SLC45A4: variants seen among roughly 807,000 people sequenced by gnomAD.
The protein encoded by SLC45A4 is polyamine-transporter SLC45A4.
A neutral mutation model predicts 63.7 loss-of-function variants in SLC45A4; 32 were observed. That is an observed-to-expected ratio of 0.50 (90% CI 0.38 to 0.67). The LOEUF is 0.67. Ranked by LOEUF, SLC45A4 falls within the 30% of genes least tolerant of loss-of-function variation. The pLI is 0.00. For missense variants in SLC45A4, 1,027 were observed against 1,157.7 expected (o/e 0.89, Z 1.64); for synonymous variants, 535 against 510.0 (o/e 1.05, Z -0.66).
chr8:141,293,966 AT>A (rs1324440250), intron 1 of SLC45A4, among the ~76,000 whole-genome samples: 1 of 152,050 alleles, frequency 6.6e-6, no homozygotes, highest in Non-Finnish European at 1.5e-5. Context: ...AAAAAAAAAA[AT>A]CATCCGCGGT....
At chr8:141,279,968 C>A (rs1829873533) in intron 1 of SLC45A4, among the ~76,000 whole-genome samples, 1 of 152,232 alleles carries the variant, frequency 6.6e-6, no homozygotes, top group South Asian at 2.1e-4. Context: ...GTGAAAGCTG[C>A]CAAGACAGCA....
Position 141,286,386 on chromosome 8 carries a change from G to A in SLC45A4, c.-401+21710C>T, listed in dbSNP as rs192724751. 5.3e-5 allele frequency among the ~76,000 whole-genome samples: 8 copies of A among 152,276 alleles called. No homozygotes were observed. In the East Asian group the frequency reaches 5.8e-4, roughly 11 times the overall value. ...GTCCGAGAGGTGGCCTCACATGCGC[G>A]GTTGTTACAAGCAGAGCCAGGTAAG... On this transcript the variant is annotated intron_variant, in intron 1 of 8. Transcript: ENST00000517878.
intron 2 of SLC45A4, among the ~76,000 whole-genome samples, chr8:141,243,744 C>T (rs56411509): frequency 0.012 from 1,812 of 152,194 alleles, 35 homozygotes; most frequent in African/African-American, 0.039. Context: ...GACAGCAAGA[C>T]CCCCGCTCCT....
Position 141,256,255 on chromosome 8 carries a change from T to C in SLC45A4, c.-400-1626A>G, listed in dbSNP as rs1828769130. 6.6e-6 allele frequency among the ~76,000 whole-genome samples: 1 copy of C among 152,336 alleles called. No individual in the cohort carries two copies. The highest frequency in any genetic ancestry group is 1.9e-4 in the East Asian group (1 of 5,190). ...TAGGTCTCCAGACATGGGGTTCGGT[T>C]CAACTGAAGTGTTAGAGCCCCTAAA... On this transcript the variant is annotated intron_variant, in intron 1 of 8. Coordinates refer to ENST00000517878, the MANE Select transcript of SLC45A4 (RefSeq NM_001286646.2). The surrounding 1 kb of genome is among the most constrained non-coding windows in gnomAD (Gnocchi z 4.3).
chr8:141,215,634 C>A lies in SLC45A4; in HGVS notation c.1941+125G>T. The A allele has an allele frequency of 1.0e-6, 1 of 957,010 alleles. No homozygotes were observed. Among genetic ancestry groups the A allele is most frequent in the Non-Finnish European group, 1.6e-6 (1 of 633,290 alleles). 59.3% of individuals were successfully genotyped at this position (957,010 alleles called of 1,614,324 possible). A position where few individuals can be genotyped will look rare whatever the true frequency, so the allele number is the denominator to read the frequency against. ...GGCTTTGGAAGGGGCCATCTCAGAA[C>A]CGGAGAGGAAGGAGGGCCATCTGTG... On this transcript the variant is annotated intron_variant, in intron 7 of 8. Transcript: ENST00000517878. This position sits in a 1 kb window ranked among gnomAD's most constrained non-coding sequence, Gnocchi z 4.3.
intron 2 of SLC45A4, among the ~76,000 whole-genome samples, chr8:141,233,304 G>T (rs1045751439): frequency 6.6e-6 from 1 of 152,126 alleles, no homozygotes; most frequent in Non-Finnish European, 1.5e-5. Context: ...GTTAAAACTA[G>T]CAAGTTTTTG....
rs571274762 is a variant in SLC45A4 at position 141,221,835 on chromosome 8, C to T, written c.242-70G>A. On this transcript the variant is annotated intron_variant, in intron 2 of 8. Coordinates refer to ENST00000517878, the MANE Select transcript of SLC45A4 (RefSeq NM_001286646.2). ...GCTCTGCCACAGTTTTCCTGGGAGC[C>T]CCGCGACAGGCAGGTGCCTCTGTGT... The T allele has an allele frequency of 1.2e-4, 183 of 1,547,698 alleles. No individual in the cohort carries two copies. The African/African-American group carries it at 2.3e-3, about 20-fold the overall frequency.
At position 141,254,986 on chromosome 8, in the gene SLC45A4, T is replaced by C. The variant is rs1165134066; in HGVS notation, c.-400-357A>G. Among the ~76,000 whole-genome samples, 1 of 152,142 alleles carries C rather than the reference T, an allele frequency of 6.6e-6. No individual in the cohort carries two copies. The highest frequency in any genetic ancestry group is 2.4e-5 in the African/African-American group (1 of 41,428). ...ACTATTCCAGCAGGCTGGAGGCAGC[T>C]GGCGACACCCTTTGTGGCTGCAGAT... On this transcript the variant is annotated intron_variant, in intron 1 of 8. Transcript: ENST00000517878. This position sits in a 1 kb window ranked among gnomAD's most constrained non-coding sequence, Gnocchi z 4.5.
chr8:141,289,173 C>T (rs905581324), intron 1 of SLC45A4, among the ~76,000 whole-genome samples: 1 of 152,188 alleles, frequency 6.6e-6, no homozygotes, highest in Non-Finnish European at 1.5e-5. Context: ...GAGGCCAGGG[C>T]GAGAGCAGAA....
At chr8:141,233,184 A>G (rs1185403550) in intron 2 of SLC45A4, among the ~76,000 whole-genome samples, 2 of 152,346 alleles carry the variant, frequency 1.3e-5, no homozygotes, top group East Asian at 3.9e-4. Context: ...GCTGGCTCTC[A>G]GGAGCCAGGA....
rs187783574 is a variant in SLC45A4 at position 141,280,851 on chromosome 8, G to A, written c.-400-26222C>T. ...CTGTCCGGGCACCTCCCGAAGGACT[G>A]TCTTAGCACGACCTTGCTTCTCCCA... is the stretch of plus-strand genomic sequence containing the variant. On this transcript the variant is annotated intron_variant, in intron 1 of 8. Coordinates refer to ENST00000517878, the MANE Select transcript of SLC45A4 (RefSeq NM_001286646.2). Among the ~76,000 whole-genome samples, 89 of 152,366 alleles carry A rather than the reference G, an allele frequency of 5.8e-4. 1 individual carries two copies. The highest frequency in any genetic ancestry group is 2.0e-3 in the African/African-American group (84 of 41,584).
intron 2 of SLC45A4, among the ~76,000 whole-genome samples, chr8:141,246,296 G>A (rs531893173): frequency 3.9e-5 from 6 of 152,188 alleles, no homozygotes; most frequent in Non-Finnish European, 7.3e-5. Context: ...ACCACCCAGC[G>A]GCACCGAGCA....
At chr8:141,302,865 C>T (rs1589870234) in intron 1 of SLC45A4, among the ~76,000 whole-genome samples, 1 of 152,272 alleles carries the variant, frequency 6.6e-6, no homozygotes. Flanking sequence ...ATTCCCTTCC[C>T]ATATACACCA....
At chr8:141,235,622 G>A (rs980161951) in intron 2 of SLC45A4, among the ~76,000 whole-genome samples, 5 of 152,238 alleles carry the variant, frequency 3.3e-5, no homozygotes, top group African/African-American at 1.2e-4. Context: ...TTAGGTGTCA[G>A]GCCCTGGGTT....
At chr8:141,289,430 T>C (rs954069036) in intron 1 of SLC45A4, among the ~76,000 whole-genome samples, 3 of 152,200 alleles carry the variant, frequency 2.0e-5, no homozygotes, top group Non-Finnish European at 4.4e-5. Context: ...AAAGATGTTA[T>C]CTCAACCGTG....
At chr8:141,238,900 C>A (rs1827759823) in intron 2 of SLC45A4, among the ~76,000 whole-genome samples, 1 of 152,170 alleles carries the variant, frequency 6.6e-6, no homozygotes, top group Non-Finnish European at 1.5e-5. Flanking sequence ...GTGGGAGGTG[C>A]TATGAAGGGC....
In SLC45A4 at chr8:141,219,695, T is replaced by C. The variant is rs1337380591; in HGVS notation, c.565A>G (p.Ser189Gly). ...IRAYLLDVVD[S>G]EEQDMALNIH... ...TTGAGGGCCATGTCCTGCTCCTCGC[T>C]GTCCACCACGTCCAGCAGATAGGCA... Residue 189 changes from serine (S) to glycine (G), a missense_variant, in exon 4 of 9, where the codon AGC becomes GGC. Physicochemically the swap from Ser to Gly is moderately conservative, Grantham distance 56 (BLOSUM62 0). Transcript: ENST00000517878. 1.2e-6 allele frequency: 2 copies of C among 1,612,744 alleles called. No individual in the cohort carries two copies. The highest frequency in any genetic ancestry group is 2.7e-5 in the African/African-American group (2 of 74,930).
At chr8:141,260,939 C>T (rs2154614789) in intron 1 of SLC45A4, among the ~76,000 whole-genome samples, 1 of 152,282 alleles carries the variant, frequency 6.6e-6, no homozygotes, top group Admixed American at 6.5e-5. Context: ...GAATTTTAGA[C>T]CAATATCCTT....
intron 1 of SLC45A4, among the ~76,000 whole-genome samples, chr8:141,286,940 C>A (rs1225834075): frequency 6.6e-6 from 1 of 152,076 alleles, no homozygotes; most frequent in Non-Finnish European, 1.5e-5. Context: ...CTCTTGCTGG[C>A]GGCCACGGGG....
Sources: allele counts gnomAD v4.1 joint callset (sites outside exome capture counted in the v4.1 genomes callset), GRCh38; gene constraint gnomAD v4.1.1; non-coding constraint Gnocchi (gnomAD v3.1); transcripts MANE v1.5; gene names NCBI Gene and HGNC (gene_info 2026-07-23, HGNC 2026-07-21).